TPX2: variants seen among roughly 807,000 people sequenced by gnomAD.
TPX2 encodes targeting protein for Xklp2.
In TPX2, 21 loss-of-function variants were observed where a neutral mutation model predicts 93.6. The observed-to-expected ratio is 0.22, with a 90% CI of 0.16 to 0.32. TPX2 has a LOEUF of 0.32. TPX2 is among the 10% of genes least tolerant of loss of function. TPX2 has a pLI of 1.00. For missense variants in TPX2, 776 were observed against 871.1 expected, an observed-to-expected ratio of 0.89 and a Z score of 1.37; for synonymous variants, 281 against 298.3, an observed-to-expected ratio of 0.94 and a Z score of 0.60.
chr20:31,796,630 A>G (rs2062140465), intron 15 of TPX2, among the ~76,000 whole-genome samples: 1 of 151,924 alleles, frequency 6.6e-6, no homozygotes, highest in Non-Finnish European at 1.5e-5. Context: ...ACAGTTGTCT[A>G]ACATGTTCCT....
chr20:31,747,178 C>T (rs754325112), intron 2 of TPX2, among the ~76,000 whole-genome samples: 5 of 152,076 alleles, frequency 3.3e-5, no homozygotes, highest in Non-Finnish European at 2.9e-5. Flanking sequence ...TGGAGTGCAG[C>T]GGTGCAATCT....
intron 4 of TPX2, among the ~76,000 whole-genome samples, chr20:31,766,016 T>G (rs189592165): frequency 9.2e-5 from 14 of 152,328 alleles, no homozygotes; most frequent in African/African-American, 3.4e-4. Context: ...GGAAACTTTC[T>G]TAAATTAGTG....
intron 7 of TPX2, among the ~76,000 whole-genome samples, chr20:31,774,957 T>C (rs1341306297): frequency 1.3e-5 from 2 of 152,160 alleles, no homozygotes; most frequent in Admixed American, 1.3e-4. Context: ...TTTTTTGTTG[T>C]TGTTGCTGTT....
intron 2 of TPX2, among the ~76,000 whole-genome samples, chr20:31,753,746 C>G (rs985466930): frequency 2.0e-5 from 3 of 152,082 alleles, no homozygotes; most frequent in Non-Finnish European, 4.4e-5. Context: ...ATGTTTCTGG[C>G]CGGGTGCGGT....
At chr20:31,768,433 G>A (rs1258668704) in intron 5 of TPX2, among the ~76,000 whole-genome samples, 1 of 147,688 alleles carries the variant, frequency 6.8e-6, no homozygotes, top group Non-Finnish European at 1.5e-5. Flanking sequence ...TTTTAGTAGA[G>A]ACGGGGTTTC....
intron 11 of TPX2, among the ~76,000 whole-genome samples, chr20:31,783,190 G>A (rs1224108611): frequency 6.6e-6 from 1 of 151,982 alleles, no homozygotes; most frequent in Non-Finnish European, 1.5e-5. Flanking sequence ...CAATTCTTAA[G>A]TGGTAGGGAT....
At chr20:31,793,790 T>G (rs2062117553) in intron 13 of TPX2, 58 bp from the exon 14 acceptor site, 1 of 1,461,226 alleles carries the variant, frequency 6.8e-7, no homozygotes, top group Admixed American at 2.3e-5. Context: ...GACTCCACAT[T>G]CTGGGGAAGT....
At chr20:31,744,765 T>C (rs2061773975) in intron 2 of TPX2, among the ~76,000 whole-genome samples, 1 of 152,194 alleles carries the variant, frequency 6.6e-6, no homozygotes, top group Non-Finnish European at 1.5e-5. Flanking sequence ...ATATTACTTT[T>C]ACCAGTGAAA....
intron 12 of TPX2, among the ~76,000 whole-genome samples, chr20:31,784,537 A>T (rs1376640512): frequency 6.6e-6 from 1 of 152,186 alleles, no homozygotes; most frequent in African/African-American, 2.4e-5. Context: ...ATGCCTCTCC[A>T]TTACATGATA....
chr20:31,800,603 C>T (rs1201634556), intron 17 of TPX2, among the ~76,000 whole-genome samples: 1 of 152,118 alleles, frequency 6.6e-6, no homozygotes, highest in Non-Finnish European at 1.5e-5. Flanking sequence ...TAAGACTGTA[C>T]TCTGGGAAAT....
chr20:31,796,940 G>T (rs1353093025), intron 15 of TPX2, among the ~76,000 whole-genome samples: 2 of 151,554 alleles, frequency 1.3e-5, no homozygotes, highest in East Asian at 1.9e-4. Context: ...TCTGATCAGG[G>T]TAATTAGCAT....
chr20:31,791,534 T>C (rs1299417836), intron 12 of TPX2, among the ~76,000 whole-genome samples: 1 of 152,228 alleles, frequency 6.6e-6, no homozygotes, highest in Non-Finnish European at 1.5e-5. Flanking sequence ...TCCACCCACC[T>C]CTGCCTCCCA....
chr20:31,786,402 T>TTGTTTTTTTTTTG (rs1555787862), intron 12 of TPX2, among the ~76,000 whole-genome samples: 23 of 111,506 alleles, frequency 2.1e-4, no homozygotes, highest in African/African-American at 9.2e-4. Context: ...GAACTACTGT[T>TTGTTTTTTTTTTG]TTTTTTTTTT....
At chr20:31,783,461 G>T (rs1167939196) in intron 11 of TPX2, among the ~76,000 whole-genome samples, 1 of 152,044 alleles carries the variant, frequency 6.6e-6, no homozygotes, top group Non-Finnish European at 1.5e-5. Flanking sequence ...GTGTTGGCCA[G>T]GCTGGTCTTG....
chr20:31,766,767 T>C, intron 5 of TPX2, 85 bp downstream of exon 5: 2 of 1,377,088 alleles, frequency 1.5e-6, no homozygotes, highest in Admixed American at 4.8e-5. Flanking sequence ...TATGTGTCTA[T>C]ACTGTGTTTA....
intron 12 of TPX2, 77 bp downstream of exon 12, chr20:31,783,998 G>A: frequency 6.7e-7 from 1 of 1,494,290 alleles, no homozygotes; most frequent in Non-Finnish European, 9.2e-7. Flanking sequence ...CAAAAGTTTG[G>A]GTAGATATTA....
In TPX2 at chr20:31,777,487, G is replaced by T; in HGVS notation, c.731G>T (p.Gly244Val). 6.2e-7 allele frequency: 1 copy of T among 1,613,368 alleles called. No homozygotes were observed. ...ATGTTTTACTGTGTTCATCTCTCAG[G>T]GCAACCTGTGAAGAAATCAGTGAGC... ...EFKKLALAGI[G>V]QPVKKSVSQV... is the part of the protein sequence containing the mutation. The change falls in exon 9 of 18, where the codon GGG becomes GTG. Residue 244 changes from glycine (G) to valine (V), a missense_variant and splice_region_variant. This residue lies in a region of TPX2 where 279 missense variants were observed against 261.6 expected (regional missense o/e 1.07). Coordinates refer to ENST00000300403, the MANE Select transcript of TPX2 (RefSeq NM_012112.5).
rs367926531 is a variant in TPX2 at position 31,776,005 on chromosome 20, T to A, written c.730+17T>A. 2.7e-5 allele frequency: 39 copies of A among 1,464,818 alleles called. No homozygotes were observed. The Middle Eastern group carries it at 1.7e-3, about 65-fold the overall frequency. The allele number at this position is 1,464,818 out of a possible 1,614,324, so 90.7% of individuals were successfully genotyped here. ...CTGGAATAGGTGAGCTTGGCTGTGGTTGAGTCTGATTCATGAGGGGTGGTT... is the reference window on the plus strand; with the variant it reads ...CTGGAATAGGTGAGCTTGGCTGTGGATGAGTCTGATTCATGAGGGGTGGTT... On this transcript the variant is annotated intron_variant, in intron 8 of 17. Transcript: ENST00000300403.
intron 10 of TPX2, among the ~76,000 whole-genome samples, 185 bp from the exon 11 acceptor site, chr20:31,782,064 A>G (rs994034223): frequency 2.0e-5 from 3 of 152,202 alleles, no homozygotes; most frequent in Non-Finnish European, 4.4e-5. Context: ...ACCCCTCAAT[A>G]AAAGAGGAAT....
Sources: allele counts gnomAD v4.1 joint callset (sites outside exome capture counted in the v4.1 genomes callset), GRCh38; gene constraint gnomAD v4.1.1; regional missense constraint gnomAD v4.1.1; transcripts MANE v1.5; gene names NCBI Gene and HGNC (gene_info 2026-07-23, HGNC 2026-07-21).